LAMC1: variants seen among roughly 807,000 people sequenced by gnomAD.
LAMC1 encodes the protein laminin subunit gamma 1.
Under a neutral mutation model 173.6 loss-of-function variants are expected in LAMC1, and 38 were observed. The ratio of observed to expected loss-of-function variants is 0.22; its 90% confidence interval spans 0.17 to 0.29. The LOEUF is 0.29. Among genes scored for constraint, LAMC1 ranks in the 10% least tolerant of loss-of-function variants. The pLI, the probability that LAMC1 is intolerant of heterozygous loss-of-function variation, is 1.00. For synonymous variants in LAMC1, 746 were observed against 749.1 expected (o/e 1.00, Z 0.07); for missense variants, 1,824 against 2,051.8 (o/e 0.89, Z 2.14).
chr1:183,102,077 C>T (rs749610824), intron 1 of LAMC1, among the ~76,000 whole-genome samples: 7 of 152,162 alleles, frequency 4.6e-5, no homozygotes, highest in Non-Finnish European at 1.0e-4. Flanking sequence ...CACTGTGTTG[C>T]ACTGAGTGCA....
intron 1 of LAMC1, among the ~76,000 whole-genome samples, chr1:183,081,864 A>G (rs927209706): frequency 3.3e-5 from 5 of 152,190 alleles, no homozygotes; most frequent in Non-Finnish European, 7.3e-5. Flanking sequence ...ATCATTCAAA[A>G]TAGTTTCACT....
Position 183,137,839 on chromosome 1 carries a change from T to G in LAMC1, c.4473+12T>G. ...TGATGGCAGGGATGGTAAGAGGTTTTGGTATATTTGCTCATTGGCAGAAAG... is the reference window on the plus strand; with the variant it reads ...TGATGGCAGGGATGGTAAGAGGTTTGGGTATATTTGCTCATTGGCAGAAAG... On this transcript the variant is annotated intron_variant, in intron 26 of 27. Coordinates refer to ENST00000258341, the MANE Select transcript of LAMC1 (RefSeq NM_002293.4). The G allele has an allele frequency of 2.5e-6, 4 of 1,586,412 alleles. No homozygotes were observed. The highest frequency in any genetic ancestry group is 3.4e-6 in the Non-Finnish European group (4 of 1,167,736).
intron 1 of LAMC1, among the ~76,000 whole-genome samples, chr1:183,039,794 T>C (rs1483596725): frequency 6.6e-6 from 1 of 152,250 alleles, no homozygotes; most frequent in African/African-American, 2.4e-5. Flanking sequence ...CCCAGATGTT[T>C]GTAGTACAGA....
At chr1:183,077,589 TG>T (rs2102046212) in intron 1 of LAMC1, among the ~76,000 whole-genome samples, 1 of 151,986 alleles carries the variant, frequency 6.6e-6, no homozygotes, top group African/African-American at 2.4e-5. Context: ...CAAAGTCTAT[TG>T]TATCTTTCTT....
At chr1:183,100,557 T>G (rs957987259) in intron 1 of LAMC1, among the ~76,000 whole-genome samples, 1 of 152,240 alleles carries the variant, frequency 6.6e-6, no homozygotes, top group African/African-American at 2.4e-5. Flanking sequence ...GGTCCCTGTT[T>G]GCTTAGCTCA....
intron 1 of LAMC1, among the ~76,000 whole-genome samples, chr1:183,073,213 G>A (rs1655054024): frequency 6.6e-6 from 1 of 152,110 alleles, no homozygotes; most frequent in Non-Finnish European, 1.5e-5. Context: ...ATTTACTTCT[G>A]TCTCTGGTGA....
rs1452836893 is a variant in LAMC1 at position 183,023,751 on chromosome 1, G to T, written c.35G>T (p.Arg12Leu). Residue 12 changes from arginine (R) to leucine (L), a missense_variant, in exon 1 of 28, where the codon CGG becomes CTG. Arg to Leu is a moderately radical substitution (Grantham distance 102, BLOSUM62 -2). Transcript: ENST00000258341. ...AGCCATCGGGCCGCGCCGGCCCTGC[G>T]GCCCCGGGGGCGGCTCTGGCCCGTG... ...RGSHRAAPAL[R>L]PRGRLWPVLA... The T allele has an allele frequency of 2.7e-5, 33 of 1,212,498 alleles. No homozygotes were observed. Among genetic ancestry groups the T allele is most frequent in the Non-Finnish European group, 3.2e-5 (31 of 967,264 alleles). 75.1% of individuals were successfully genotyped at this position (1,212,498 alleles called of 1,614,324 possible). A position where few individuals can be genotyped will look rare whatever the true frequency, so the allele number is the denominator to read the frequency against.
chr1:183,117,570 A>G lies in LAMC1; in HGVS notation c.1724A>G (p.Gln575Arg). 1 of 1,614,218 alleles carries G rather than the reference A, an allele frequency of 6.2e-7. No homozygotes were observed. Among genetic ancestry groups the G allele is most frequent in the Non-Finnish European group, 8.5e-7 (1 of 1,180,044 alleles). Residue 575 changes from glutamine to arginine, a missense_variant, in exon 10 of 28, where the codon CAG becomes CGG. Physicochemically the swap from Gln to Arg is conservative, Grantham distance 43. Coordinates refer to ENST00000258341, the MANE Select transcript of LAMC1 (RefSeq NM_002293.4). The stretch of plus-strand genomic sequence containing the variant: ...GGCAAGCAGGTGTTGAGTTATGGTC[A>G]GAACCTCTCCTTCTCCTTTCGAGTG... ...FLGKQVLSYG[Q>R]NLSFSFRVDR...
intron 1 of LAMC1, among the ~76,000 whole-genome samples, chr1:183,067,874 G>A (rs569202634): frequency 6.6e-6 from 1 of 152,266 alleles, no homozygotes; most frequent in Admixed American, 6.5e-5. Flanking sequence ...TATCATGATA[G>A]CAGAAAGGAC....
chr1:183,122,165 C>G lies in LAMC1; in HGVS notation c.2315C>G (p.Pro772Arg). 3 of 1,614,158 alleles carry G rather than the reference C, an allele frequency of 1.9e-6. No individual in the cohort carries two copies. The highest frequency in any genetic ancestry group is 2.2e-5 in the East Asian group (1 of 44,886). ...STAGTSSDCQ[P>R]CPCPGGSSCA... Reference sequence around the variant, plus strand: ...GCAGGCACCTCCTCCGATTGCCAACCCTGTCCGTGTCCTGGAGGTTCAAGT... The same window carrying G: ...GCAGGCACCTCCTCCGATTGCCAACGCTGTCCGTGTCCTGGAGGTTCAAGT... The change falls in exon 13 of 28, where the codon CCC becomes CGC. Residue 772 changes from proline (P) to arginine (R), a missense_variant. Coordinates refer to ENST00000258341, the MANE Select transcript of LAMC1 (RefSeq NM_002293.4).
rs528528648 is a variant in LAMC1 at position 183,134,780 on chromosome 1, C to T, written c.3970C>T (p.Leu1324Phe). 6.2e-7 allele frequency: 1 copy of T among 1,613,360 alleles called. No individual in the cohort carries two copies. The highest frequency in any genetic ancestry group is 1.3e-5 in the African/African-American group (1 of 74,954). Residue 1324 changes from leucine to phenylalanine, a missense_variant, in exon 23 of 28, where the codon CTT (leucine) becomes TTT (phenylalanine). Coordinates refer to ENST00000258341, the MANE Select transcript of LAMC1 (RefSeq NM_002293.4). ...AGGGAAGGAACTTGAAGTCAAGAAC[C>T]TTCTGGAGAAAGGCAAGACTGAACA... ...MRGKELEVKN[L>F]LEKGKTEQQT...
chr1:183,126,801 A>G lies in LAMC1; in HGVS notation c.2945-425A>G, dbSNP rs2102097184. Among the ~76,000 whole-genome samples the G allele has an allele frequency of 2.0e-5, 3 of 152,378 alleles. No individual in the cohort carries two copies. The South Asian group carries it at 6.2e-4, about 32-fold the overall frequency. On this transcript the variant is annotated intron_variant, in intron 16 of 27. Transcript: ENST00000258341. ...TTCTCCTGTGGAATGTAGCATAAGT[A>G]ATTGACTCAGTTCAGAGAACACAGT...
Position 183,114,625 on chromosome 1 carries a change from T to A in LAMC1, c.1116T>A (p.Asp372Glu). 1 of 1,614,182 alleles carries A rather than the reference T, an allele frequency of 6.2e-7. No homozygotes were observed. Among genetic ancestry groups the A allele is most frequent in the Non-Finnish European group, 8.5e-7 (1 of 1,180,034 alleles). Residue 372 changes from aspartate to glutamate, a missense_variant, in exon 5 of 28, where the codon GAT becomes GAA. Asp to Glu is a conservative substitution (Grantham distance 45). Transcript: ENST00000258341. ...GHGGHCTNCQ[D>E]NTDGAHCERC... ...GGGGCCACTGTACCAACTGCCAGGA[T>A]AACACAGATGGCGCCCACTGTGAGA...
At chr1:183,100,226 A>G (rs1175385008) in intron 1 of LAMC1, among the ~76,000 whole-genome samples, 1 of 152,000 alleles carries the variant, frequency 6.6e-6, no homozygotes, top group Non-Finnish European at 1.5e-5. Flanking sequence ...AACCTCTGTC[A>G]TCTCTCCTGG....
chr1:183,026,807 G>A (rs1260271272), intron 1 of LAMC1, among the ~76,000 whole-genome samples: 1 of 152,182 alleles, frequency 6.6e-6, no homozygotes, highest in Non-Finnish European at 1.5e-5. Context: ...CATAAGAAAT[G>A]TAAGTAGTTA....
intron 1 of LAMC1, among the ~76,000 whole-genome samples, chr1:183,099,385 C>T (rs1434464882): frequency 6.6e-6 from 1 of 152,102 alleles, no homozygotes; most frequent in African/African-American, 2.4e-5. Flanking sequence ...CTACTGAGCC[C>T]GGCCCATTCT....
At chr1:183,082,029 A>G (rs1371663009) in intron 1 of LAMC1, among the ~76,000 whole-genome samples, 2 of 152,128 alleles carry the variant, frequency 1.3e-5, no homozygotes, top group African/African-American at 4.8e-5. Context: ...ATCTACTTAT[A>G]TGCATTTAAG....
chr1:183,120,654 C>G (rs1238329569), intron 11 of LAMC1, among the ~76,000 whole-genome samples: 1 of 152,064 alleles, frequency 6.6e-6, no homozygotes, highest in Non-Finnish European at 1.5e-5. Flanking sequence ...ATAAAATGTT[C>G]CTGTTGATGC....
At chr1:183,032,108 C>T (rs886461500) in intron 1 of LAMC1, among the ~76,000 whole-genome samples, 2 of 152,150 alleles carry the variant, frequency 1.3e-5, no homozygotes, top group African/African-American at 4.8e-5. Context: ...CTGCACCAGA[C>T]TAGGGTGGCA....
Sources: gnomAD v4.1 joint callset for allele counts (sites outside exome capture counted in the v4.1 genomes callset) on GRCh38, gnomAD v4.1.1 for gene constraint, MANE v1.5 for transcripts, NCBI Gene and HGNC (gene_info 2026-07-23, HGNC 2026-07-21) for gene names.